The following TSC1 variants were observed in gnomAD, a reference collection of about 807,000 sequenced individuals.
TSC1 encodes hamartin.
In TSC1, 20 loss-of-function variants were observed where a neutral mutation model predicts 124.3. That is an observed-to-expected ratio of 0.16 (90% confidence interval 0.11 to 0.23). TSC1 has a LOEUF of 0.23. TSC1 is among the 10% of genes least tolerant of loss of function. The pLI, the probability that TSC1 is intolerant of heterozygous loss-of-function variation, is 1.00. For missense variants in TSC1, 1,124 were observed against 1,448.5 expected (o/e 0.78, Z 3.64); for synonymous variants, 493 against 539.1 (o/e 0.91, Z 1.19).
At chr9:132,922,334 T>C (rs1201788726) in intron 6 of TSC1, among the ~76,000 whole-genome samples, 2 of 152,172 alleles carry the variant, frequency 1.3e-5, no homozygotes, top group Non-Finnish European at 2.9e-5. Context: ...GTAAAATTTA[T>C]ACTTTTCCAT....
intron 2 of TSC1, among the ~76,000 whole-genome samples, chr9:132,934,311 C>T (rs973973935): frequency 1.3e-5 from 2 of 152,164 alleles, no homozygotes; most frequent in African/African-American, 4.8e-5. Context: ...GAGGAAATTC[C>T]ATCCGTGGAA....
In TSC1 at chr9:132,895,531, CAA is replaced by C. The variant is rs1174958412; in HGVS notation, c.*702_*703del. On this transcript the variant is annotated 3_prime_UTR_variant, in exon 23 of 23. Coordinates refer to ENST00000298552, the MANE Select transcript of TSC1 (RefSeq NM_000368.5). ...TAAGAGGTAGTGGGGGAAGAAGAGACAAGAGCTTTCCCAAAGGGTGTGTGGTC... is the reference window on the plus strand; with the variant it reads ...TAAGAGGTAGTGGGGGAAGAAGAGACGAGCTTTCCCAAAGGGTGTGTGGTC... The C allele has an allele frequency of 4.3e-6, 1 of 233,786 alleles. No individual in the cohort carries two copies. The allele number at this position is 233,786 out of a possible 1,614,324, so 14.5% of individuals were successfully genotyped here.
intron 1 of TSC1, among the ~76,000 whole-genome samples, chr9:132,937,316 G>A (rs999163062): frequency 1.3e-5 from 2 of 152,234 alleles, no homozygotes; most frequent in African/African-American, 4.8e-5. Flanking sequence ...GGTGGCACAT[G>A]CCTGTAATCC....
intron 2 of TSC1, among the ~76,000 whole-genome samples, chr9:132,930,556 C>G (rs910935370): frequency 2.4e-5 from 3 of 122,958 alleles, no homozygotes; most frequent in African/African-American, 9.5e-5. Context: ...CCACTGCACT[C>G]TAGCCTGGGC....
chr9:132,924,256 C>A (rs1846731810), intron 5 of TSC1, among the ~76,000 whole-genome samples: 1 of 152,084 alleles, frequency 6.6e-6, no homozygotes, highest in Non-Finnish European at 1.5e-5. Flanking sequence ...ATTTATGAAA[C>A]AAGATATTAA....
chr9:132,936,119 C>G (rs1227355508), intron 1 of TSC1, among the ~76,000 whole-genome samples: 1 of 152,054 alleles, frequency 6.6e-6, no homozygotes, highest in Non-Finnish European at 1.5e-5. Context: ...CTTTTTCTTT[C>G]TTTCTCTCTT....
chr9:132,905,994 G>A lies in TSC1; in HGVS notation c.1584C>T (p.Gly528=), dbSNP rs149439187. 57 of 1,613,956 alleles carry A rather than the reference G, an allele frequency of 3.5e-5. No individual in the cohort carries two copies. Among genetic ancestry groups the A allele is most frequent in the South Asian group, 5.5e-5 (5 of 91,074 alleles). ...GTAAAGGCTCAGGGTTCACGCTGGC[G>A]CCCTGAGAACTGGAGGCTGCCGAGT... ...KTHSAASSSQ[G]ASVNPEPLHS... is the part of the protein sequence containing the mutation. Residue 528 remains glycine (G), a synonymous_variant, in exon 15 of 23, where the codon GGC becomes GGT. Transcript: ENST00000298552.
chr9:132,935,973 G>A (rs1296613241), intron 1 of TSC1, among the ~76,000 whole-genome samples: 1 of 152,184 alleles, frequency 6.6e-6, no homozygotes, highest in Admixed American at 6.5e-5. Flanking sequence ...AAATAAGCTT[G>A]ATTGATTACT....
chr9:132,932,798 G>A (rs1847270241), intron 2 of TSC1, among the ~76,000 whole-genome samples: 1 of 152,180 alleles, frequency 6.6e-6, no homozygotes, highest in East Asian at 1.9e-4. Flanking sequence ...TCCTTGCACA[G>A]CTGACGGTCT....
At chr9:132,942,399 A>G (rs1478020015) in intron 1 of TSC1, 1 of 152,252 alleles carries the variant, frequency 6.6e-6, no homozygotes, top group Non-Finnish European at 1.5e-5. Flanking sequence ...CTAGGGTTTC[A>G]GATCTCGTTT....
Position 132,911,601 on chromosome 9 carries a change from T to C in TSC1, c.914-33A>G, listed in dbSNP as rs746788095. 2.0e-5 allele frequency: 20 copies of C among 979,008 alleles called. No individual in the cohort carries two copies. In the African/African-American group the frequency reaches 3.2e-4, roughly 16 times the overall value. 60.6% of individuals were successfully genotyped at this position (979,008 alleles called of 1,614,324 possible). A position where few individuals can be genotyped will look rare whatever the true frequency, so the allele number is the denominator to read the frequency against. ...GGAAGAGAAGAACACAGGGGGTTAG[T>C]GTGTGGTTTTAGGTTATTCTGGTTA... On this transcript the variant is annotated intron_variant, in intron 9 of 22. Transcript: ENST00000298552.
chr9:132,918,599 G>A (rs1846382938), intron 8 of TSC1, among the ~76,000 whole-genome samples: 1 of 152,176 alleles, frequency 6.6e-6, no homozygotes, highest in Non-Finnish European at 1.5e-5. Context: ...GGGATTAAGT[G>A]AAGCATATAC....
At position 132,923,217 on chromosome 9, in the gene TSC1, T is replaced by A. The variant is rs1247109216; in HGVS notation, c.508+131A>T. The A allele has an allele frequency of 4.3e-5, 56 of 1,292,644 alleles. No individual in the cohort carries two copies. Among genetic ancestry groups the A allele is most frequent in the Non-Finnish European group, 5.7e-5 (54 of 948,524 alleles). 80.1% of individuals were successfully genotyped at this position (1,292,644 alleles called of 1,614,324 possible). A position where few individuals can be genotyped will look rare whatever the true frequency, so the allele number is the denominator to read the frequency against. On this transcript the variant is annotated intron_variant, in intron 6 of 22. Transcript: ENST00000298552. The surrounding 1 kb of genome is among the most constrained non-coding windows in gnomAD (Gnocchi z 4.2). Reference sequence around the variant, plus strand: ...TGGATGCACCCAAGATATTCCCTCATCTGTCTGGTGAAAACCACTCATTTC... The same window carrying A: ...TGGATGCACCCAAGATATTCCCTCAACTGTCTGGTGAAAACCACTCATTTC...
intron 19 of TSC1, among the ~76,000 whole-genome samples, chr9:132,901,203 T>A (rs920303318): frequency 6.6e-6 from 1 of 152,222 alleles, no homozygotes; most frequent in Non-Finnish European, 1.5e-5. Context: ...AGTGCAGTGA[T>A]TCCCAAAGAA....
rs755219758 is a variant in TSC1, at chr9:132,896,006, G to A, written c.*229C>T. On this transcript the variant is annotated 3_prime_UTR_variant, in exon 23 of 23. Coordinates refer to ENST00000298552, the MANE Select transcript of TSC1 (RefSeq NM_000368.5). This position sits in a 1 kb window ranked among gnomAD's most constrained non-coding sequence, Gnocchi z 4.5. ...TGGCCCTTGGATTAGAACACACTGC[G>A]AGGTAAATGAGAGGGGGTTAGGGCG... is the stretch of plus-strand genomic sequence containing the variant. The A allele has an allele frequency of 1.7e-5, 10 of 603,514 alleles. No individual in the cohort carries two copies. The highest frequency in any genetic ancestry group is 4.3e-4 in the Middle Eastern group (1 of 2,324). 37.4% of individuals were successfully genotyped at this position (603,514 alleles called of 1,614,324 possible). A position where few individuals can be genotyped will look rare whatever the true frequency, so the allele number is the denominator to read the frequency against.
chr9:132,910,198 G>A (rs897281014), intron 12 of TSC1: 2 of 466,428 alleles, frequency 4.3e-6, no homozygotes, highest in Admixed American at 7.5e-5. Context: ...CTACTAGCGA[G>A]GCTGATGCAG....
intron 1 of TSC1, among the ~76,000 whole-genome samples, chr9:132,939,540 T>C (rs888580261): frequency 5.9e-5 from 9 of 152,214 alleles, no homozygotes; most frequent in African/African-American, 2.2e-4. Flanking sequence ...GTAACTTAAG[T>C]GTAAGGCCAG....
chr9:132,915,790 A>C (rs1846245602), intron 8 of TSC1, among the ~76,000 whole-genome samples: 1 of 152,258 alleles, frequency 6.6e-6, no homozygotes, highest in African/African-American at 2.4e-5. Context: ...TACAGAAAAG[A>C]AAGTGTCCAG....
chr9:132,927,525 T>TTTTC (rs1255239453), intron 3 of TSC1, among the ~76,000 whole-genome samples: 1 of 140,824 alleles, frequency 7.1e-6, no homozygotes, highest in Non-Finnish European at 1.5e-5. Flanking sequence ...TATTGCCTTT[T>TTTTC]TTTTTTTTTT....
Sources: allele counts gnomAD v4.1 joint callset (sites outside exome capture counted in the v4.1 genomes callset), GRCh38; gene constraint gnomAD v4.1.1; non-coding constraint Gnocchi (gnomAD v3.1); transcripts MANE v1.5; gene names NCBI Gene and HGNC (gene_info 2026-07-23, HGNC 2026-07-21).